DIP2C: variants seen among roughly 807,000 people sequenced by gnomAD.
DIP2C encodes DIP2 acetate--CoA ligase C (putative).
Under a neutral mutation model 192.4 loss-of-function variants are expected in DIP2C, and 33 were observed. The observed-to-expected ratio is 0.17, with a 90% CI of 0.13 to 0.23. The LOEUF is 0.23. DIP2C is among the 10% of genes least tolerant of loss of function. The pLI is 1.00. For missense variants in DIP2C, 1,537 were observed against 2,110.1 expected (o/e 0.73, Z 5.32); for synonymous variants, 979 against 864.1 (o/e 1.13, Z -2.33).
intron 1 of DIP2C, among the ~76,000 whole-genome samples, chr10:501,550 TGATCA>T (rs1298913749): frequency 6.6e-6 from 1 of 152,046 alleles, no homozygotes; most frequent in African/African-American, 2.4e-5. Flanking sequence ...TGAGAATATC[TGATCA>T]GAAAGAATGG....
At chr10:561,710 C>A (rs1849227317) in intron 1 of DIP2C, among the ~76,000 whole-genome samples, 1 of 152,226 alleles carries the variant, frequency 6.6e-6, no homozygotes, top group Non-Finnish European at 1.5e-5. Flanking sequence ...CAACACAACT[C>A]CTGGTCCCGT....
At chr10:326,939 A>C in intron 31 of DIP2C, 67 bp downstream of exon 31, 1 of 1,541,806 alleles carries the variant, frequency 6.5e-7, no homozygotes, top group Non-Finnish European at 8.8e-7. Context: ...GAGTGGAGCC[A>C]GTCTGTGCTG....
chr10:327,915 T>TA (rs1390829740), intron 30 of DIP2C, among the ~76,000 whole-genome samples: 1 of 151,858 alleles, frequency 6.6e-6, no homozygotes, highest in Non-Finnish European at 1.5e-5. Context: ...ATTCAAGGAG[T>TA]TAAGCTCAGC....
At chr10:344,433 G>A (rs373779929) in intron 28 of DIP2C, among the ~76,000 whole-genome samples, 10 of 152,138 alleles carry the variant, frequency 6.6e-5, no homozygotes, top group South Asian at 4.2e-4. Context: ...CGGCAAGGGC[G>A]GCATCTGAGC....
Position 600,114 on chromosome 10 carries a change from GCACA to G in DIP2C, c.85+89376_85+89379del, listed in dbSNP as rs1319394840. ...TATCATAACTAACATGTATTTATGGGCACACAGAGACCCTGTAGTACAAGGCACA... is the reference window on the plus strand; with the variant it reads ...TATCATAACTAACATGTATTTATGGGCAGAGACCCTGTAGTACAAGGCACA... On this transcript the variant is annotated intron_variant, in intron 1 of 36. Transcript: ENST00000280886. Among the ~76,000 whole-genome samples the G allele has an allele frequency of 2.0e-5, 3 of 152,176 alleles. No homozygotes were observed. In the East Asian group the frequency reaches 5.8e-4, roughly 29 times the overall value.
chr10:559,437 A>G (rs536368860), intron 1 of DIP2C, among the ~76,000 whole-genome samples: 2 of 152,188 alleles, frequency 1.3e-5, no homozygotes, highest in South Asian at 2.1e-4. Context: ...AGGAAGGAAC[A>G]TATTTAAAAG....
At position 414,057 on chromosome 10, in the gene DIP2C, T is replaced by C. The variant is rs982400044; in HGVS notation, c.913A>G (p.Met305Val). ...ACCACGCCCAGCTGCTCTCCGCGCA[T>C]GGCCAGCATCTGGGCCCCCTCCGGC... ...PKPEGAQMLA[M>V]RGEQLGVVTN... is the part of the protein sequence containing the mutation. The change falls in exon 8 of 37, where the codon ATG becomes GTG. Residue 305 changes from methionine to valine, a missense_variant. Met to Val is a conservative substitution (Grantham distance 21). Around this residue, in one of 4 missense-constraint regions of DIP2C, gnomAD observed 473 missense variants for 539.6 expected, o/e 0.88. Transcript: ENST00000280886. 4.3e-6 allele frequency: 7 copies of C among 1,614,006 alleles called. No homozygotes were observed. The highest frequency in any genetic ancestry group is 3.4e-6 in the Non-Finnish European group (4 of 1,179,876).
At chr10:426,674 A>T (rs1362129104) in intron 4 of DIP2C, among the ~76,000 whole-genome samples, 1 of 152,272 alleles carries the variant, frequency 6.6e-6, no homozygotes, top group East Asian at 1.9e-4. Context: ...AAGGAACAGA[A>T]TTAAACCCAG....
chr10:401,964 C>T (rs894047721), intron 9 of DIP2C, among the ~76,000 whole-genome samples: 3 of 147,260 alleles, frequency 2.0e-5, no homozygotes, highest in African/African-American at 7.6e-5. Context: ...GGTATGTGTT[C>T]CTCAGCACAT....
intron 31 of DIP2C, among the ~76,000 whole-genome samples, chr10:315,351 C>T (rs1414404331): frequency 6.6e-6 from 1 of 152,198 alleles, no homozygotes; most frequent in East Asian, 1.9e-4. Flanking sequence ...ATTTGGGCTT[C>T]ATTTTGCTAT....
chr10:385,499 GCTAA>G (rs1203384611), intron 14 of DIP2C, among the ~76,000 whole-genome samples: 1 of 152,228 alleles, frequency 6.6e-6, no homozygotes, highest in Non-Finnish European at 1.5e-5. Flanking sequence ...GGTGTGTTAT[GCTAA>G]CTTTTATTTC....
At chr10:607,393 G>A (rs966325114) in intron 1 of DIP2C, among the ~76,000 whole-genome samples, 2 of 152,206 alleles carry the variant, frequency 1.3e-5, no homozygotes, top group East Asian at 3.8e-4. Context: ...CATTCCAGGA[G>A]CCGCCTACAT....
In DIP2C at chr10:400,026, T is replaced by C. The variant is rs534478685; in HGVS notation, c.1150-807A>G. On this transcript the variant is annotated intron_variant, in intron 9 of 36. Transcript: ENST00000280886. Reference sequence around the variant, plus strand: ...GGTTAATGTAAATTACCAAGTAATATTGGTACCTACTAATAGATATTATGA... The same window carrying C: ...GGTTAATGTAAATTACCAAGTAATACTGGTACCTACTAATAGATATTATGA... Among the ~76,000 whole-genome samples the C allele has an allele frequency of 8.5e-5, 13 of 152,314 alleles. No individual in the cohort carries two copies. In the South Asian group the frequency reaches 2.5e-3, roughly 29 times the overall value.
At chr10:456,158 G>A (rs1368146543) in intron 3 of DIP2C, among the ~76,000 whole-genome samples, 1 of 127,960 alleles carries the variant, frequency 7.8e-6, no homozygotes, top group Non-Finnish European at 1.7e-5. Flanking sequence ...ACACTCTGCA[G>A]TGAGTCCCTG....
intron 1 of DIP2C, among the ~76,000 whole-genome samples, chr10:488,298 G>A (rs755481887): frequency 1.3e-5 from 2 of 152,180 alleles, no homozygotes; most frequent in African/African-American, 2.4e-5. Flanking sequence ...CTGTGCTCAC[G>A]GCCTGCTCCT....
chr10:602,272 G>A (rs374004109), intron 1 of DIP2C, among the ~76,000 whole-genome samples: 15 of 152,192 alleles, frequency 9.9e-5, no homozygotes, highest in East Asian at 5.8e-4. Flanking sequence ...TTCTTGCACC[G>A]AACCCCAACT....
intron 1 of DIP2C, among the ~76,000 whole-genome samples, chr10:638,511 T>G (rs1854958762): frequency 6.6e-6 from 1 of 152,084 alleles, no homozygotes; most frequent in Non-Finnish European, 1.5e-5. Context: ...GCATGGCAAT[T>G]TCACCTAAAT....
intron 24 of DIP2C, among the ~76,000 whole-genome samples, chr10:351,351 A>G (rs1958798534): frequency 6.6e-6 from 1 of 152,166 alleles, no homozygotes; most frequent in Non-Finnish European, 1.5e-5. Context: ...GACCTCTACC[A>G]AAACGTCCAC....
chr10:409,331 T>G lies in DIP2C; in HGVS notation c.1058-314A>C, dbSNP rs189322400. Among the ~76,000 whole-genome samples the G allele has an allele frequency of 1.9e-3, 292 of 152,248 alleles. 1 individual carries two copies. Among genetic ancestry groups the G allele is most frequent in the African/African-American group, 6.6e-3 (276 of 41,540 alleles). ...GGGTGGCGAGGGGGGGCGCGGACAG[T>G]GCACACACCGTCGTCACAGGGCTGG... is the stretch of plus-strand genomic sequence containing the variant. On this transcript the variant is annotated intron_variant, in intron 8 of 36. Transcript: ENST00000280886.
Sources: gnomAD v4.1 joint callset for allele counts (sites outside exome capture counted in the v4.1 genomes callset) on GRCh38, gnomAD v4.1.1 for gene constraint, gnomAD v4.1.1 regional missense constraint, MANE v1.5 for transcripts, NCBI Gene and HGNC (gene_info 2026-07-23, HGNC 2026-07-21) for gene names.